Variants in ERMARD observed in about 807,000 individuals in gnomAD.
ERMARD encodes endoplasmic reticulum membrane-associated RNA degradation protein.
Under a neutral mutation model 83.9 loss-of-function variants are expected in ERMARD, and 71 were observed. The ratio of observed to expected loss-of-function variants is 0.85; its 90% CI spans 0.70 to 1.03. The LOEUF is 1.03. ERMARD is among the 50% of genes least tolerant of loss of function. The probability of loss-of-function intolerance (pLI) is 0.00; values close to 1 mark genes in which losing one functional copy is unlikely to be tolerated. For missense variants in ERMARD, 838 were observed against 810.9 expected, an observed-to-expected ratio of 1.03 and a Z score of -0.41; for synonymous variants, 284 against 298.6, an observed-to-expected ratio of 0.95 and a Z score of 0.50.
At chr6:169,751,609 C>T, upstream of ERMARD, 1 of 1,586,562 alleles carries the variant, frequency 6.3e-7, no homozygotes, top group South Asian at 1.1e-5. Context: ...AGGAGGGGCG[C>T]GCAGGCGCCT....
chr6:169,768,344 C>G (rs1792468933), intron 11 of ERMARD, among the ~76,000 whole-genome samples, 173 bp downstream of exon 11: 1 of 152,226 alleles, frequency 6.6e-6, no homozygotes, highest in Non-Finnish European at 1.5e-5. Context: ...CAAGCTGTCA[C>G]TCCTTAAATG....
chr6:169,752,356 T>G (rs1350984883), intron 1 of ERMARD, among the ~76,000 whole-genome samples: 2 of 152,188 alleles, frequency 1.3e-5, no homozygotes, highest in African/African-American at 4.8e-5. Context: ...TCCGATAAAG[T>G]AACTTTTCCA....
chr6:169,759,781 C>A, intron 6 of ERMARD, 57 bp from the exon 7 acceptor site: 1 of 1,471,238 alleles, frequency 6.8e-7, no homozygotes, highest in Non-Finnish European at 9.4e-7. Context: ...CACAGTGAAG[C>A]TTTTTATAGG....
At chr6:169,774,003 C>T (rs553766836) in intron 13 of ERMARD, among the ~76,000 whole-genome samples, 10 of 152,318 alleles carry the variant, frequency 6.6e-5, no homozygotes, top group Admixed American at 1.3e-4. Context: ...AATCAACACA[C>T]GGCGGGTCAG....
At chr6:169,768,805 G>A (rs1792532563) in intron 11 of ERMARD, among the ~76,000 whole-genome samples, 1 of 152,160 alleles carries the variant, frequency 6.6e-6, no homozygotes, top group African/African-American at 2.4e-5. Flanking sequence ...ATAAGATTGA[G>A]TATTGGATGA....
At chr6:169,758,426 A>T (rs542963031) in intron 5 of ERMARD, among the ~76,000 whole-genome samples, 1 of 152,334 alleles carries the variant, frequency 6.6e-6, no homozygotes, top group South Asian at 2.1e-4. Context: ...GGTGGGGTGG[A>T]TAAGTGATGG....
At chr6:169,768,978 C>G (rs1792559228) in intron 11 of ERMARD, among the ~76,000 whole-genome samples, 1 of 152,190 alleles carries the variant, frequency 6.6e-6, no homozygotes, top group Non-Finnish European at 1.5e-5. Context: ...AGACTCCGTG[C>G]TCTGTGGACA....
intron 9 of ERMARD, 33 bp from the exon 10 acceptor site, chr6:169,766,605 A>G: frequency 6.5e-7 from 1 of 1,548,424 alleles, no homozygotes; most frequent in Non-Finnish European, 8.7e-7. Context: ...TTTTGCTTTA[A>G]TTGTTTATTT....
At chr6:169,779,748 G>A (rs1317437478) in intron 17 of ERMARD, among the ~76,000 whole-genome samples, 3 of 152,202 alleles carry the variant, frequency 2.0e-5, no homozygotes, top group African/African-American at 4.8e-5. Context: ...GGGATTACAG[G>A]TGTAAAAGCC....
intron 12 of ERMARD, chr6:169,770,318 A>G (rs530226315): frequency 6.6e-6 from 1 of 152,310 alleles, no homozygotes; most frequent in Non-Finnish European, 1.5e-5. Flanking sequence ...AGTATACTAA[A>G]GTGAGTTCAT....
At position 169,767,757 on chromosome 6, in the gene ERMARD, AC is replaced by A. The variant is rs112588793; in HGVS notation, c.991-345del. 11 of 70,934 alleles carry A rather than the reference AC, an allele frequency of 1.6e-4. No homozygotes were observed. The African/African-American group carries it at 1.9e-3, about 12-fold the overall frequency. The allele number at this position is 70,934 out of a possible 1,614,324, so 4.4% of individuals were successfully genotyped here. A position where few individuals can be genotyped will look rare whatever the true frequency, so the allele number is the denominator to read the frequency against. ...ATACACACATGCAGGCACATACACT[AC>A]ACACACACACACACACACACACAGG... On this transcript the variant is annotated intron_variant, in intron 10 of 17. Transcript: ENST00000366773.
chr6:169,775,839 A>AG (rs1180950677), intron 14 of ERMARD, 101 bp from the exon 15 acceptor site: 33 of 1,372,950 alleles, frequency 2.4e-5, no homozygotes, highest in Non-Finnish European at 3.1e-5. Context: ...TGAGATTCAC[A>AG]GTCAGGTCGC....
chr6:169,775,648 A>G (rs1408318590), intron 14 of ERMARD, among the ~76,000 whole-genome samples: 3 of 152,254 alleles, frequency 2.0e-5, no homozygotes. Flanking sequence ...TCAGGAGAGA[A>G]GTAGGGATGG....
upstream of ERMARD, chr6:169,751,560 T>G: frequency 6.2e-7 from 1 of 1,609,986 alleles, no homozygotes; most frequent in South Asian, 1.1e-5. Context: ...CTGCGCCTCG[T>G]ACGGTAGGAA....
rs1793456549 is a variant in ERMARD at position 169,775,339 on chromosome 6, GC to G, written c.1389del (p.Val464SerfsTer3). 2 of 1,613,982 alleles carry G rather than the reference GC, an allele frequency of 1.2e-6. No homozygotes were observed. The highest frequency in any genetic ancestry group is 1.7e-6 in the Non-Finnish European group (2 of 1,179,962). On this transcript the variant is annotated frameshift_variant, in exon 14 of 18. Transcript: ENST00000366773. LOFTEE classifies it high-confidence loss of function. ...LPFPEELTRQ[A>X]VRLEDNSETN... ...TTTCCCCGAAGAACTCACTCGGCAA[GC>G]CGTCAGGTGCGTGGCATCCTGGGGC...
At chr6:169,762,047 G>A in intron 8 of ERMARD, among the ~76,000 whole-genome samples, 1 of 151,986 alleles carries the variant, frequency 6.6e-6, no homozygotes, top group Non-Finnish European at 1.5e-5. Context: ...TATCTAGACT[G>A]CAGCAGTTAT....
intron 15 of ERMARD, 90 bp downstream of exon 15, chr6:169,776,155 T>A: frequency 6.4e-7 from 1 of 1,570,758 alleles, no homozygotes; most frequent in East Asian, 2.3e-5. Flanking sequence ...TTAGATTTTA[T>A]AAACTTGGTA....
chr6:169,778,927 C>T (rs762396787), intron 16 of ERMARD, among the ~76,000 whole-genome samples: 11 of 152,216 alleles, frequency 7.2e-5, no homozygotes, highest in Non-Finnish European at 1.6e-4. Flanking sequence ...TGATGTAGAC[C>T]GGGCGCCTCA....
At chr6:169,763,986 T>C (rs1164063436) in intron 9 of ERMARD, among the ~76,000 whole-genome samples, 3 of 152,246 alleles carry the variant, frequency 2.0e-5, no homozygotes, top group Non-Finnish European at 4.4e-5. Context: ...AGAAAGGCGT[T>C]GTTTCCCACA....
Sources: allele counts gnomAD v4.1 joint callset (sites outside exome capture counted in the v4.1 genomes callset), GRCh38; gene constraint gnomAD v4.1.1; transcripts MANE v1.5; gene names NCBI Gene and HGNC (gene_info 2026-07-23, HGNC 2026-07-21).